GRM1: variants seen among roughly 807,000 people sequenced by gnomAD.
GRM1 encodes the protein glutamate metabotropic receptor 1.
GRM1 carries 33 observed loss-of-function variants against 90.9 expected under a neutral mutation model. The observed-to-expected ratio is 0.36, with a 90% CI of 0.28 to 0.49. The LOEUF is 0.49. GRM1 is among the 20% of genes least tolerant of loss of function. The pLI is 0.99. For missense variants in GRM1, 1,190 were observed against 1,534.3 expected, an observed-to-expected ratio of 0.78 and a Z score of 3.75; for synonymous variants, 700 against 613.2, an observed-to-expected ratio of 1.14 and a Z score of -2.09.
chr6:146,433,124 A>G (rs542802994), intron 7 of GRM1, among the ~76,000 whole-genome samples: 4 of 152,138 alleles, frequency 2.6e-5, no homozygotes, highest in East Asian at 1.9e-4. Context: ...AGCTATTTCA[A>G]TGTTCCTAGA....
chr6:146,412,571 A>T (rs1777610662), intron 7 of GRM1, among the ~76,000 whole-genome samples: 1 of 152,220 alleles, frequency 6.6e-6, no homozygotes, highest in African/African-American at 2.4e-5. Flanking sequence ...TAGTAAGTAG[A>T]TTTTAAGAAT....
At chr6:146,301,802 C>T (rs1198830385) in intron 2 of GRM1, among the ~76,000 whole-genome samples, 5 of 151,996 alleles carry the variant, frequency 3.3e-5, no homozygotes, top group African/African-American at 1.2e-4. Flanking sequence ...TGTAAATAAA[C>T]CGGTTTGAGC....
chr6:146,264,706 G>T lies in GRM1; in HGVS notation c.951-39905G>T, dbSNP rs78744200. On this transcript the variant is annotated intron_variant, in intron 2 of 7. Transcript: ENST00000282753. ...CTCTGCTACCCTACCCTCTTTTGGA[G>T]TCTCCAGTGTATATTATTTCCATCT... is the stretch of plus-strand genomic sequence containing the variant. Among the ~76,000 whole-genome samples, 1,335 of 152,080 alleles carry T rather than the reference G, an allele frequency of 8.8e-3. 24 individuals are homozygous for T. The highest frequency in any genetic ancestry group is 0.03 in the African/African-American group (1,253 of 41,508).
At chr6:146,211,493 T>C (rs950210263) in intron 2 of GRM1, among the ~76,000 whole-genome samples, 7 of 152,220 alleles carry the variant, frequency 4.6e-5, no homozygotes, top group African/African-American at 1.7e-4. Context: ...GTTAAAACTA[T>C]TATCAAATAA....
intron 2 of GRM1, among the ~76,000 whole-genome samples, chr6:146,226,258 A>C (rs1239866019): frequency 6.6e-6 from 1 of 152,168 alleles, no homozygotes; most frequent in Non-Finnish European, 1.5e-5. Flanking sequence ...CCTAATGGAC[A>C]TGAACTGAGG....
chr6:146,153,920 T>C (rs1026024553), intron 1 of GRM1, among the ~76,000 whole-genome samples: 4 of 152,230 alleles, frequency 2.6e-5, no homozygotes, highest in Admixed American at 1.3e-4. Context: ...GTTTAATTGC[T>C]TTTTGCTACT....
chr6:146,128,301 C>G (rs1776270813), intron 1 of GRM1, among the ~76,000 whole-genome samples: 1 of 152,124 alleles, frequency 6.6e-6, no homozygotes, highest in African/African-American at 2.4e-5. Flanking sequence ...AAAATGCAAT[C>G]CTGCTGCTAA....
intron 1 of GRM1, among the ~76,000 whole-genome samples, chr6:146,043,297 A>T (rs1203966752): frequency 2.0e-5 from 3 of 151,810 alleles, no homozygotes; most frequent in Admixed American, 2.0e-4. Context: ...GACCTTGTCT[A>T]AAAAAAATTA....
chr6:146,104,872 CAT>C (rs1351092280), intron 1 of GRM1, among the ~76,000 whole-genome samples: 3 of 152,142 alleles, frequency 2.0e-5, no homozygotes, highest in Non-Finnish European at 4.4e-5. Flanking sequence ...TTTAGTTAAA[CAT>C]GTAGTGCTTG....
chr6:146,028,377 A>G (rs930808556), upstream of GRM1, among the ~76,000 whole-genome samples: 2 of 151,598 alleles, frequency 1.3e-5, no homozygotes, highest in African/African-American at 4.8e-5. Flanking sequence ...CTGCCAGGGA[A>G]TGTCTGGCTG....
At chr6:146,276,565 T>A (rs1186570201) in intron 2 of GRM1, among the ~76,000 whole-genome samples, 1 of 152,148 alleles carries the variant, frequency 6.6e-6, no homozygotes, top group Admixed American at 6.5e-5. Context: ...CCAATAATTT[T>A]AAATTATAAT....
intron 1 of GRM1, among the ~76,000 whole-genome samples, chr6:146,146,752 C>T (rs1777123955): frequency 6.6e-6 from 1 of 152,144 alleles, no homozygotes; most frequent in Non-Finnish European, 1.5e-5. Context: ...AACTCTGGGA[C>T]ACTGAAGTGA....
intron 2 of GRM1, among the ~76,000 whole-genome samples, chr6:146,169,865 A>T (rs528193730): frequency 9.2e-5 from 14 of 152,364 alleles, no homozygotes; most frequent in Non-Finnish European, 2.1e-4. Flanking sequence ...CTAGCAATGT[A>T]TGAAGCTTCC....
chr6:146,117,149 T>G (rs145408178), intron 1 of GRM1, among the ~76,000 whole-genome samples: 151 of 151,350 alleles, frequency 1.0e-3, no homozygotes, highest in Middle Eastern at 3.4e-3. Flanking sequence ...TGGATTTATT[T>G]ATTTATTTAT....
At chr6:146,061,895 T>C (rs968625963) in intron 1 of GRM1, among the ~76,000 whole-genome samples, 3 of 152,102 alleles carry the variant, frequency 2.0e-5, no homozygotes, top group African/African-American at 7.2e-5. Context: ...ACATTGTTGA[T>C]GGGAGTGTAA....
At chr6:146,027,926 T>C (rs1170279541), upstream of GRM1, 1 of 152,348 alleles carries the variant, frequency 6.6e-6, no homozygotes, top group Non-Finnish European at 1.5e-5. Flanking sequence ...TTCTCGCTTA[T>C]GTATTTCTTT....
chr6:146,371,356 A>T (rs762854318), intron 5 of GRM1, among the ~76,000 whole-genome samples: 1 of 151,970 alleles, frequency 6.6e-6, no homozygotes, highest in African/African-American at 2.4e-5. Context: ...CATAGTAGGT[A>T]TATATATTTA....
At chr6:146,349,636 G>T (rs761108987) in intron 3 of GRM1, among the ~76,000 whole-genome samples, 9 of 151,762 alleles carry the variant, frequency 5.9e-5, no homozygotes, top group Middle Eastern at 3.4e-3. Flanking sequence ...TTAATTTTTA[G>T]AAATTTTCTA....
intron 5 of GRM1, among the ~76,000 whole-genome samples, chr6:146,371,354 G>A (rs1162066008): frequency 6.6e-6 from 1 of 151,904 alleles, no homozygotes; most frequent in Non-Finnish European, 1.5e-5. Context: ...TACATAGTAG[G>A]TATATATATT....
Sources: gnomAD v4.1 joint callset for allele counts (sites outside exome capture counted in the v4.1 genomes callset) on GRCh38, gnomAD v4.1.1 for gene constraint, MANE v1.5 for transcripts, NCBI Gene and HGNC (gene_info 2026-07-23, HGNC 2026-07-21) for gene names.